Variants in GPM6A observed in about 807,000 individuals in gnomAD.
The protein encoded by GPM6A is glycoprotein M6A, also known as neuronal membrane glycoprotein M6-a.
In GPM6A, 7 loss-of-function variants were observed where a neutral mutation model predicts 32.1. The ratio of observed to expected loss-of-function variants is 0.22; its 90% confidence interval spans 0.12 to 0.41. The LOEUF (loss-of-function observed/expected upper bound fraction) is 0.41, where lower values mean the gene tolerates loss of function less well. Ranked by LOEUF, GPM6A falls within the 10% of genes least tolerant of loss-of-function variation. The pLI is 1.00. For synonymous variants in GPM6A, 130 were observed against 123.4 expected (o/e 1.05, Z -0.35); for missense variants, 235 against 347.2 (o/e 0.68, Z 2.57).
chr4:175,662,101 C>T (rs752407404), intron 3 of GPM6A, among the ~76,000 whole-genome samples: 5 of 151,886 alleles, frequency 3.3e-5, no homozygotes, highest in Non-Finnish European at 7.4e-5. Context: ...CAATGACAGG[C>T]ATATTTAATA....
chr4:175,742,531 C>T (rs1242127407), intron 1 of GPM6A, among the ~76,000 whole-genome samples: 1 of 152,102 alleles, frequency 6.6e-6, no homozygotes, highest in Non-Finnish European at 1.5e-5. Flanking sequence ...ACTGTATTAA[C>T]AAACTCTATT....
At chr4:175,986,504 T>C (rs1740979752) in intron 1 of GPM6A, among the ~76,000 whole-genome samples, 1 of 151,964 alleles carries the variant, frequency 6.6e-6, no homozygotes, top group African/African-American at 2.4e-5. Flanking sequence ...TGAGCTAGTA[T>C]TGTGCCACTG....
chr4:176,002,347 G>A, upstream of GPM6A: 1 of 1,581,534 alleles, frequency 6.3e-7, no homozygotes, highest in Non-Finnish European at 8.6e-7. Context: ...GTCCCCAGAG[G>A]AGAGCGAGTG....
intron 3 of GPM6A, among the ~76,000 whole-genome samples, chr4:175,672,958 A>T (rs1743164478): frequency 6.6e-6 from 1 of 152,168 alleles, no homozygotes; most frequent in African/African-American, 2.4e-5. Flanking sequence ...CTTATTAGAG[A>T]CAGCTTACTT....
intron 1 of GPM6A, among the ~76,000 whole-genome samples, chr4:175,896,209 T>C (rs1167462405): frequency 6.6e-6 from 1 of 152,142 alleles, no homozygotes; most frequent in Non-Finnish European, 1.5e-5. Flanking sequence ...CAGGGGGTTT[T>C]GGGGGACTCA....
At chr4:175,987,999 A>G (rs60637078) in intron 1 of GPM6A, among the ~76,000 whole-genome samples, 4,123 of 152,242 alleles carry the variant, frequency 0.027, 167 homozygotes, top group African/African-American at 0.092. Flanking sequence ...AAGAGAAAAA[A>G]TCCATTTGTA....
chr4:175,838,644 ATTTTTTT>A (rs569099649), intron 1 of GPM6A, among the ~76,000 whole-genome samples: 5 of 79,804 alleles, frequency 6.3e-5, no homozygotes, highest in Admixed American at 1.3e-4. Context: ...CTAGCAGTGA[ATTTTTTT>A]TTTTTTTTTT....
At chr4:175,901,113 A>T (rs1007958725) in intron 1 of GPM6A, among the ~76,000 whole-genome samples, 1 of 147,782 alleles carries the variant, frequency 6.8e-6, no homozygotes. Context: ...GAGAATGGTT[A>T]CCAGAGGCTG....
At chr4:175,668,855 C>A (rs1357971285) in intron 3 of GPM6A, among the ~76,000 whole-genome samples, 2 of 152,162 alleles carry the variant, frequency 1.3e-5, no homozygotes, top group South Asian at 2.1e-4. Flanking sequence ...TTATAAAAGA[C>A]CCTCGTAAAC....
intron 1 of GPM6A, among the ~76,000 whole-genome samples, chr4:175,879,785 T>G (rs1415897970): frequency 6.6e-6 from 1 of 152,176 alleles, no homozygotes; most frequent in Admixed American, 6.5e-5. Flanking sequence ...TCTAAATATT[T>G]TAGTATATTA....
At chr4:175,806,960 C>G in intron 1 of GPM6A, 1 of 152,144 alleles carries the variant, frequency 6.6e-6, no homozygotes, top group East Asian at 1.9e-4. Flanking sequence ...AAAATCAGTT[C>G]CCTTTTCATA....
chr4:175,740,924 C>T (rs936604339), intron 1 of GPM6A, among the ~76,000 whole-genome samples: 13 of 151,932 alleles, frequency 8.6e-5, no homozygotes, highest in African/African-American at 2.4e-4. Flanking sequence ...CATAAAGATC[C>T]GGCTGCTAAC....
At chr4:175,722,011 G>A (rs944336262) in intron 1 of GPM6A, among the ~76,000 whole-genome samples, 2 of 152,028 alleles carry the variant, frequency 1.3e-5, no homozygotes, top group Non-Finnish European at 2.9e-5. Flanking sequence ...TATGCGCCAG[G>A]TGCAATGTCC....
At chr4:175,937,096 T>G (rs12498242) in intron 1 of GPM6A, among the ~76,000 whole-genome samples, 6,868 of 152,182 alleles carry the variant, frequency 0.045, 264 homozygotes, top group South Asian at 0.19. Context: ...TTTCTTTTAT[T>G]AGAATTAAAA....
intron 1 of GPM6A, among the ~76,000 whole-genome samples, chr4:175,808,145 G>T (rs964649804): frequency 6.6e-6 from 1 of 152,220 alleles, no homozygotes; most frequent in South Asian, 2.1e-4. Flanking sequence ...TTAAGGAAAG[G>T]TGAGGTTCTA....
intron 1 of GPM6A, among the ~76,000 whole-genome samples, chr4:175,716,488 CTTG>C (rs1204615824): frequency 1.3e-5 from 2 of 151,772 alleles, no homozygotes; most frequent in African/African-American, 2.4e-5. Flanking sequence ...GAAGAAGAAA[CTTG>C]TTGTGCACAT....
chr4:175,869,081 A>G (rs1257376278), intron 1 of GPM6A, among the ~76,000 whole-genome samples: 2 of 152,208 alleles, frequency 1.3e-5, no homozygotes, highest in Non-Finnish European at 2.9e-5. Context: ...CTAATGACTT[A>G]CTTCGAAACA....
chr4:175,670,366 T>C (rs2110973573), intron 3 of GPM6A, among the ~76,000 whole-genome samples: 1 of 152,162 alleles, frequency 6.6e-6, no homozygotes, highest in African/African-American at 2.4e-5. Flanking sequence ...AAATTGGGGA[T>C]GGGGGCAAAA....
At chr4:175,789,821 G>C (rs1397213645) in intron 1 of GPM6A, among the ~76,000 whole-genome samples, 1 of 152,148 alleles carries the variant, frequency 6.6e-6, no homozygotes, top group Non-Finnish European at 1.5e-5. Flanking sequence ...GCCAGCAAAG[G>C]CTGTTCCTGT....
Sources: allele counts gnomAD v4.1 joint callset (sites outside exome capture counted in the v4.1 genomes callset), GRCh38; gene constraint gnomAD v4.1.1; transcripts MANE v1.5; gene names NCBI Gene and HGNC (gene_info 2026-07-23, HGNC 2026-07-21).